The following PRKN variants were observed in gnomAD, a reference collection of about 807,000 sequenced individuals.
PRKN encodes parkin RBR E3 ubiquitin protein ligase.
A neutral mutation model predicts 59.5 loss-of-function variants in PRKN; 56 were observed. That is an observed-to-expected ratio of 0.94 (90% CI 0.76 to 1.18). The LOEUF is 1.18. PRKN is among the 50% of genes most tolerant of loss of function. The pLI, the probability that PRKN is intolerant of heterozygous loss-of-function variation, is 0.00. For missense variants in PRKN, 657 were observed against 596.4 expected (o/e 1.10, Z -1.06); for synonymous variants, 250 against 222.1 (o/e 1.13, Z -1.12).
intron 6 of PRKN, among the ~76,000 whole-genome samples, chr6:161,820,744 A>C (rs1791988676): frequency 6.7e-6 from 1 of 149,658 alleles, no homozygotes; most frequent in Admixed American, 6.7e-5. Context: ...TTATAGGTGT[A>C]TATATTTATA....
At chr6:161,733,808 A>ACG (rs1285744964) in intron 7 of PRKN, among the ~76,000 whole-genome samples, 3 of 141,456 alleles carry the variant, frequency 2.1e-5, no homozygotes, top group African/African-American at 8.1e-5. Context: ...GTATATATAT[A>ACG]TATATATATA....
chr6:162,306,357 G>T (rs1340567810), intron 2 of PRKN, among the ~76,000 whole-genome samples: 4 of 152,164 alleles, frequency 2.6e-5, no homozygotes, highest in African/African-American at 9.7e-5. Context: ...TCTAGTAAAT[G>T]ATCAGCTGGT....
chr6:161,536,786 G>A (rs1264682131), intron 9 of PRKN, among the ~76,000 whole-genome samples: 2 of 152,138 alleles, frequency 1.3e-5, no homozygotes, highest in African/African-American at 4.8e-5. Context: ...TGTTTACAAG[G>A]GAAGTTCTGT....
chr6:162,132,451 C>T (rs995792893), intron 4 of PRKN, among the ~76,000 whole-genome samples: 5 of 152,092 alleles, frequency 3.3e-5, no homozygotes, highest in Admixed American at 6.5e-5. Flanking sequence ...TTAGCATGAC[C>T]TTGGGTATAT....
intron 1 of PRKN, among the ~76,000 whole-genome samples, chr6:162,648,300 C>G (rs1778275080): frequency 6.6e-6 from 1 of 151,950 alleles, no homozygotes; most frequent in Non-Finnish European, 1.5e-5. Context: ...AAATGGGATT[C>G]CAATGGTCAC....
chr6:161,833,505 A>AT (rs953328690), intron 6 of PRKN, among the ~76,000 whole-genome samples: 38 of 151,810 alleles, frequency 2.5e-4, no homozygotes, highest in South Asian at 6.3e-4. Context: ...GACCATTAGC[A>AT]TTTTTTTTTC....
chr6:162,535,430 A>G (rs1227472983), intron 1 of PRKN, among the ~76,000 whole-genome samples: 2 of 152,090 alleles, frequency 1.3e-5, no homozygotes, highest in Non-Finnish European at 2.9e-5. Flanking sequence ...CTGAAAATAC[A>G]CACATATATA....
Position 162,648,957 on chromosome 6 carries a change from G to A in PRKN, c.7+78705C>T, listed in dbSNP as rs769491929. Among the ~76,000 whole-genome samples the A allele has an allele frequency of 3.9e-5, 6 of 152,090 alleles. No homozygotes were observed. The South Asian group carries it at 8.3e-4, about 21-fold the overall frequency. ...TCATCTAATCAGTTGAAGGTCATAT[G>A]AGCAAAAACCACGTTTCTTGAAGAG... On this transcript the variant is annotated intron_variant, in intron 1 of 11. Transcript: ENST00000366898.
chr6:162,551,099 G>A lies in PRKN; in HGVS notation c.8-107626C>T, dbSNP rs550665983. Reference sequence around the variant, plus strand: ...GATCTGATGCTTGTAATAGGCCTTCGTGAATATTCCTCACTTCAAAGTAGT... The same window carrying A: ...GATCTGATGCTTGTAATAGGCCTTCATGAATATTCCTCACTTCAAAGTAGT... On this transcript the variant is annotated intron_variant, in intron 1 of 11. Transcript: ENST00000366898. 8.5e-5 allele frequency among the ~76,000 whole-genome samples: 13 copies of A among 152,110 alleles called. No individual in the cohort carries two copies. The South Asian group carries it at 1.9e-3, about 22-fold the overall frequency.
At chr6:161,902,839 G>A (rs966472171) in intron 6 of PRKN, among the ~76,000 whole-genome samples, 6 of 152,110 alleles carry the variant, frequency 3.9e-5, no homozygotes, top group Admixed American at 6.5e-5. Flanking sequence ...TTACAGGCGT[G>A]AGCCACCTTG....
chr6:162,391,007 C>T (rs1014886669), intron 2 of PRKN, among the ~76,000 whole-genome samples: 2 of 152,096 alleles, frequency 1.3e-5, no homozygotes, highest in African/African-American at 4.8e-5. Flanking sequence ...TTTCTTTAGT[C>T]CTAGAAAGAA....
chr6:161,672,395 T>C (rs9355921), intron 7 of PRKN, among the ~76,000 whole-genome samples: 64,124 of 152,134 alleles, frequency 0.42, 14,703 homozygotes, highest in East Asian at 0.58. Context: ...GATTTATTTC[T>C]TATTCATTTT....
chr6:162,626,369 A>G (rs532382984), intron 1 of PRKN, among the ~76,000 whole-genome samples: 1 of 152,306 alleles, frequency 6.6e-6, no homozygotes, highest in East Asian at 1.9e-4. Flanking sequence ...TGCACTTCCA[A>G]AAAGCTTTTC....
At chr6:162,220,950 T>G (rs1310748254) in intron 3 of PRKN, among the ~76,000 whole-genome samples, 1 of 152,230 alleles carries the variant, frequency 6.6e-6, no homozygotes, top group African/African-American at 2.4e-5. Context: ...TAAATTATCC[T>G]GCATGGCTTT....
intron 9 of PRKN, among the ~76,000 whole-genome samples, chr6:161,432,626 C>T (rs1304341558): frequency 6.6e-6 from 1 of 150,836 alleles, no homozygotes; most frequent in East Asian, 1.9e-4. Context: ...CAGCAATCTG[C>T]CCACCTCGGC....
intron 6 of PRKN, among the ~76,000 whole-genome samples, chr6:161,950,114 C>A (rs1331951526): frequency 6.6e-6 from 1 of 152,172 alleles, no homozygotes; most frequent in Non-Finnish European, 1.5e-5. Context: ...CAGTGGCAGG[C>A]TCTGATTAAG....
At chr6:161,416,935 T>C (rs1266593727) in intron 9 of PRKN, among the ~76,000 whole-genome samples, 3 of 152,138 alleles carry the variant, frequency 2.0e-5, no homozygotes, top group Non-Finnish European at 4.4e-5. Flanking sequence ...GCCACGTCTA[T>C]TGGGGAAGCA....
At chr6:162,274,522 T>C (rs542770431) in intron 2 of PRKN, among the ~76,000 whole-genome samples, 3 of 152,176 alleles carry the variant, frequency 2.0e-5, no homozygotes, top group South Asian at 4.2e-4. Flanking sequence ...AACTAATATA[T>C]TGTAGTTCTC....
intron 7 of PRKN, among the ~76,000 whole-genome samples, chr6:161,680,206 C>T (rs1341914532): frequency 1.3e-5 from 2 of 152,088 alleles, no homozygotes; most frequent in African/African-American, 4.8e-5. Flanking sequence ...GGAACATTTC[C>T]CCCTTTCTCC....
Sources: allele counts gnomAD v4.1 joint callset (sites outside exome capture counted in the v4.1 genomes callset), GRCh38; gene constraint gnomAD v4.1.1; transcripts MANE v1.5; gene names NCBI Gene and HGNC (gene_info 2026-07-23, HGNC 2026-07-21).